TMEM117: variants seen among roughly 807,000 people sequenced by gnomAD.
TMEM117 encodes transmembrane protein 117.
Under a neutral mutation model 52.4 loss-of-function variants are expected in TMEM117, and 27 were observed. The observed-to-expected ratio is 0.51, with a 90% confidence interval of 0.38 to 0.71. TMEM117 has a LOEUF of 0.71. Among genes scored for constraint, TMEM117 ranks in the 30% least tolerant of loss-of-function variants. The pLI, the probability that TMEM117 is intolerant of heterozygous loss-of-function variation, is 0.00. For missense variants in TMEM117, 556 were observed against 630.5 expected, an observed-to-expected ratio of 0.88 and a Z score of 1.26; for synonymous variants, 215 against 206.3, an observed-to-expected ratio of 1.04 and a Z score of -0.36.
chr12:44,256,802 CATT>C (rs781636686), intron 5 of TMEM117, among the ~76,000 whole-genome samples: 29 of 151,808 alleles, frequency 1.9e-4, no homozygotes, highest in Non-Finnish European at 4.1e-4. Flanking sequence ...GAAGCATCAT[CATT>C]ATTTTTAAAT....
At chr12:44,118,055 C>G (rs763225797) in intron 3 of TMEM117, among the ~76,000 whole-genome samples, 2 of 151,412 alleles carry the variant, frequency 1.3e-5, no homozygotes, top group Non-Finnish European at 2.9e-5. Flanking sequence ...AAAACACGTA[C>G]AGAGAATATA....
downstream of TMEM117, among the ~76,000 whole-genome samples, chr12:44,393,781 A>G (rs1346257638): frequency 1.3e-5 from 2 of 152,210 alleles, no homozygotes; most frequent in Non-Finnish European, 2.9e-5. Context: ...TGTAATTTAC[A>G]ATTTAAAGCA....
At chr12:44,118,199 G>A (rs886162904) in intron 3 of TMEM117, among the ~76,000 whole-genome samples, 2 of 152,082 alleles carry the variant, frequency 1.3e-5, no homozygotes, top group African/African-American at 4.8e-5. Context: ...AATGAAGAAA[G>A]ACAAATAAAT....
At chr12:43,974,796 T>C (rs1945646146) in intron 3 of TMEM117, among the ~76,000 whole-genome samples, 1 of 152,182 alleles carries the variant, frequency 6.6e-6, no homozygotes, top group South Asian at 2.1e-4. Flanking sequence ...GTCTTCTATG[T>C]TTATATTCTT....
At chr12:44,287,900 A>G (rs1438437286) in intron 5 of TMEM117, among the ~76,000 whole-genome samples, 7 of 152,216 alleles carry the variant, frequency 4.6e-5, no homozygotes, top group Admixed American at 3.9e-4. Flanking sequence ...GTAGTAGTAA[A>G]CATTACATAA....
chr12:43,906,082 C>T (rs1944381782), intron 2 of TMEM117, among the ~76,000 whole-genome samples: 1 of 152,160 alleles, frequency 6.6e-6, no homozygotes, highest in African/African-American at 2.4e-5. Context: ...ACTTTTTAAA[C>T]TCCTACTTTA....
chr12:43,796,457 G>A, the TMEM117 span, among the ~76,000 whole-genome samples: 1 of 152,040 alleles, frequency 6.6e-6, no homozygotes, highest in Non-Finnish European at 1.5e-5. Flanking sequence ...AAGAAAATTG[G>A]TAGCTTAGTT....
intron 5 of TMEM117, among the ~76,000 whole-genome samples, chr12:44,244,098 T>C (rs1950099165): frequency 6.6e-6 from 1 of 152,018 alleles, no homozygotes; most frequent in African/African-American, 2.4e-5. Flanking sequence ...GAGTGACATA[T>C]ACCTTTGACA....
intron 3 of TMEM117, among the ~76,000 whole-genome samples, chr12:44,067,434 G>T (rs1301781664): frequency 1.3e-5 from 2 of 152,128 alleles, no homozygotes; most frequent in Non-Finnish European, 1.5e-5. Flanking sequence ...TAAATAATAA[G>T]ACTTGACAGT....
intron 4 of TMEM117, among the ~76,000 whole-genome samples, chr12:44,177,569 G>A (rs1478912864): frequency 2.0e-5 from 3 of 152,138 alleles, no homozygotes; most frequent in Non-Finnish European, 4.4e-5. Flanking sequence ...TACAAAGGCT[G>A]AAACGCTGCA....
intron 6 of TMEM117, among the ~76,000 whole-genome samples, chr12:44,351,739 G>A (rs1004834090): frequency 6.6e-6 from 1 of 151,896 alleles, no homozygotes; most frequent in Non-Finnish European, 1.5e-5. Flanking sequence ...CATTTTGCTT[G>A]TGGATGTTTG....
chr12:44,125,328 C>T (rs1280881063), intron 3 of TMEM117, among the ~76,000 whole-genome samples: 4 of 152,036 alleles, frequency 2.6e-5, no homozygotes, highest in African/African-American at 9.7e-5. Context: ...AGGATGGTCT[C>T]GATCTCCTGA....
chr12:43,917,763 A>G (rs1345474587), intron 2 of TMEM117, among the ~76,000 whole-genome samples: 3 of 152,126 alleles, frequency 2.0e-5, no homozygotes, highest in African/African-American at 7.2e-5. Context: ...TTATCAAGCA[A>G]AAGGCAAACA....
At chr12:44,308,578 G>A (rs1950932653) in intron 6 of TMEM117, among the ~76,000 whole-genome samples, 1 of 151,904 alleles carries the variant, frequency 6.6e-6, no homozygotes, top group Non-Finnish European at 1.5e-5. Context: ...GCAAGCTATG[G>A]TGCAAGCTTT....
chr12:43,856,368 T>A (rs1478736529), intron 2 of TMEM117, among the ~76,000 whole-genome samples: 1 of 152,204 alleles, frequency 6.6e-6, no homozygotes, highest in African/African-American at 2.4e-5. Flanking sequence ...CCCAGTCCTT[T>A]TTCACAGAGT....
At chr12:44,331,801 C>G (rs536707459) in intron 6 of TMEM117, among the ~76,000 whole-genome samples, 2 of 152,014 alleles carry the variant, frequency 1.3e-5, no homozygotes, top group South Asian at 2.1e-4. Flanking sequence ...ACCTGGAGAC[C>G]GAATCCATGC....
chr12:43,805,520 G>C, the TMEM117 span: 1 of 456,336 alleles, frequency 2.2e-6, no homozygotes. Flanking sequence ...GATGAGGTGA[G>C]TACCTGCAGG....
the TMEM117 span, among the ~76,000 whole-genome samples, chr12:43,813,231 G>GCTTTTTTTTTTTTTTTTT: frequency 9.3e-4 from 58 of 62,664 alleles, 2 homozygotes; most frequent in African/African-American, 3.3e-3. Context: ...GTTTTCTCTT[G>GCTTTTTTTTTTTTTTTTT]TTTTTTTTTT....
chr12:44,212,669 A>G (rs1200047441), intron 5 of TMEM117, among the ~76,000 whole-genome samples: 1 of 152,156 alleles, frequency 6.6e-6, no homozygotes, highest in African/African-American at 2.4e-5. Flanking sequence ...CTTGGAATGT[A>G]CGCCCACCAG....
Sources: gnomAD v4.1 joint callset for allele counts (sites outside exome capture counted in the v4.1 genomes callset) on GRCh38, gnomAD v4.1.1 for gene constraint, MANE v1.5 for transcripts, NCBI Gene and HGNC (gene_info 2026-07-23, HGNC 2026-07-21) for gene names.